The following MBD5 variants were observed in gnomAD, a reference collection of about 807,000 sequenced individuals.
MBD5 encodes the protein methyl-CpG binding domain protein 5.
Under a neutral mutation model 117.3 loss-of-function variants are expected in MBD5, and 13 were observed. That is an observed-to-expected ratio of 0.11 (90% CI 0.07 to 0.18). MBD5 has a LOEUF of 0.18. Ranked by LOEUF, MBD5 falls within the 10% of genes least tolerant of loss-of-function variation. The probability of loss-of-function intolerance (pLI) is 1.00; values close to 1 mark genes in which losing one functional copy is unlikely to be tolerated. For missense variants in MBD5, 1,879 were observed against 2,093.8 expected (o/e 0.90, Z 2.00); for synonymous variants, 727 against 766.4 (o/e 0.95, Z 0.85).
At chr2:148,076,835 C>CA (rs1312820228) in intron 1 of MBD5, among the ~76,000 whole-genome samples, 1 of 152,210 alleles carries the variant, frequency 6.6e-6, no homozygotes, top group African/African-American at 2.4e-5. Context: ...AAAACGCATC[C>CA]ATCCCTCTTC....
At chr2:148,138,828 C>T (rs537187358) in intron 1 of MBD5, among the ~76,000 whole-genome samples, 11 of 152,204 alleles carry the variant, frequency 7.2e-5, no homozygotes, top group East Asian at 1.9e-4. Context: ...TAGAAAGAAC[C>T]GCTAAAACAT....
At chr2:148,317,421 A>G (rs1702181177) in intron 3 of MBD5, among the ~76,000 whole-genome samples, 1 of 152,186 alleles carries the variant, frequency 6.6e-6, no homozygotes, top group Non-Finnish European at 1.5e-5. Flanking sequence ...TAAAGCCTCT[A>G]AAGTAATAGA....
At chr2:148,151,261 T>A (rs1291637261) in intron 1 of MBD5, among the ~76,000 whole-genome samples, 2 of 152,186 alleles carry the variant, frequency 1.3e-5, no homozygotes, top group African/African-American at 4.8e-5. Context: ...TTTGCATATA[T>A]TGAACCAGCC....
chr2:148,390,840 C>T (rs1704552499), intron 4 of MBD5, among the ~76,000 whole-genome samples: 2 of 152,070 alleles, frequency 1.3e-5, no homozygotes, highest in Admixed American at 1.3e-4. Flanking sequence ...GGAAATCAGG[C>T]GTGAGCCACT....
At chr2:148,352,510 C>T (rs1703271339) in intron 4 of MBD5, among the ~76,000 whole-genome samples, 2 of 152,004 alleles carry the variant, frequency 1.3e-5, no homozygotes, top group Admixed American at 1.3e-4. Flanking sequence ...TTTTATACCA[C>T]ACCCATTTCC....
Position 148,262,910 on chromosome 2 carries a change from A to G in MBD5, c.-680+29515A>G, listed in dbSNP as rs1022741863. ...GAGGTGGGAAGACCAAATAGAGGAA[A>G]GCATGGATGTTAGTCTGATCTAGGC... On this transcript the variant is annotated intron_variant, in intron 3 of 13. Coordinates refer to ENST00000642680, the MANE Select transcript of MBD5 (RefSeq NM_001378120.1). 2.0e-5 allele frequency among the ~76,000 whole-genome samples: 3 copies of G among 149,072 alleles called. No individual in the cohort carries two copies. In the East Asian group the frequency reaches 5.8e-4, roughly 29 times the overall value.
intron 2 of MBD5, among the ~76,000 whole-genome samples, chr2:148,188,874 C>G (rs1278812940): frequency 2.6e-5 from 4 of 151,588 alleles, no homozygotes; most frequent in Non-Finnish European, 5.9e-5. Flanking sequence ...GAGTGCCAGA[C>G]AGTGGGCGCA....
chr2:148,497,338 T>C (rs933038588), intron 11 of MBD5, among the ~76,000 whole-genome samples: 10 of 152,128 alleles, frequency 6.6e-5, no homozygotes, highest in Admixed American at 4.6e-4. Flanking sequence ...TGTAAAATCA[T>C]AATATTACTT....
chr2:148,314,982 G>A (rs529337811), intron 3 of MBD5, among the ~76,000 whole-genome samples: 1 of 152,182 alleles, frequency 6.6e-6, no homozygotes, highest in East Asian at 1.9e-4. Flanking sequence ...TATTTCATGA[G>A]ACATTAAACA....
At chr2:148,168,525 A>G (rs1454670363) in intron 1 of MBD5, among the ~76,000 whole-genome samples, 1 of 152,226 alleles carries the variant, frequency 6.6e-6, no homozygotes, top group Non-Finnish European at 1.5e-5. Context: ...AAAGTGGGAA[A>G]GTAAACCTGG....
At chr2:148,034,186 C>A (rs1429734803) in intron 1 of MBD5, among the ~76,000 whole-genome samples, 1 of 152,076 alleles carries the variant, frequency 6.6e-6, no homozygotes, top group African/African-American at 2.4e-5. Context: ...CACAGTAAGA[C>A]CCTGTCTCAA....
chr2:148,502,557 A>G, intron 12 of MBD5, 48 bp downstream of exon 12: 1 of 1,549,690 alleles, frequency 6.5e-7, no homozygotes, highest in Non-Finnish European at 8.9e-7. Flanking sequence ...GATATAATTT[A>G]CTGTTTTTCC....
At chr2:148,307,974 C>CT (rs1218156925) in intron 3 of MBD5, among the ~76,000 whole-genome samples, 3 of 151,932 alleles carry the variant, frequency 2.0e-5, no homozygotes, top group Non-Finnish European at 2.9e-5. Flanking sequence ...CATTAACTCA[C>CT]TTTTTTTTAC....
chr2:148,464,381 G>T (rs1167255114), intron 7 of MBD5, among the ~76,000 whole-genome samples: 5 of 152,056 alleles, frequency 3.3e-5, no homozygotes, highest in African/African-American at 1.2e-4. Context: ...ACGCATGCAT[G>T]GGGGCTTTCT....
intron 1 of MBD5, among the ~76,000 whole-genome samples, chr2:148,093,849 T>A (rs779741806): frequency 1.1e-4 from 16 of 152,174 alleles, no homozygotes; most frequent in Non-Finnish European, 2.1e-4. Context: ...AGATGACGAA[T>A]CTATCTGGAA....
intron 12 of MBD5, among the ~76,000 whole-genome samples, chr2:148,507,651 C>T (rs1224413944): frequency 6.6e-6 from 1 of 151,220 alleles, no homozygotes; most frequent in Non-Finnish European, 1.5e-5. Flanking sequence ...CCCAGCTACT[C>T]GAGGGGGCTG....
At chr2:148,036,337 A>G (rs1179842020) in intron 1 of MBD5, among the ~76,000 whole-genome samples, 2 of 152,158 alleles carry the variant, frequency 1.3e-5, no homozygotes, top group Non-Finnish European at 2.9e-5. Context: ...CAACAAAACT[A>G]TTAGTTGACA....
At chr2:148,212,604 A>AT (rs1452318008) in intron 2 of MBD5, among the ~76,000 whole-genome samples, 2 of 152,168 alleles carry the variant, frequency 1.3e-5, no homozygotes, top group Admixed American at 6.6e-5. Context: ...GTATGTATAT[A>AT]TGTGTATGTT....
rs146096552 is a variant in MBD5, at chr2:148,489,556, C to A, written c.3924C>A (p.Leu1308=). Reference sequence around the variant, plus strand: ...TTGGTCAACAGGTGAAGGATGGCCTCGTTGTGGGTGGCCCAGGTGATGCTT... The same window carrying A: ...TTGGTCAACAGGTGAAGGATGGCCTAGTTGTGGGTGGCCCAGGTGATGCTT... ...PSLGQQVKDG[L]VVGGPGDASV... The change falls in exon 11 of 14, where the codon CTC becomes CTA. Residue 1308 remains leucine, a synonymous_variant. Transcript: ENST00000642680. 2 of 1,614,170 alleles carry A rather than the reference C, an allele frequency of 1.2e-6. No individual in the cohort carries two copies. The highest frequency in any genetic ancestry group is 1.7e-6 in the Non-Finnish European group (2 of 1,180,032).
Sources: allele counts gnomAD v4.1 joint callset (sites outside exome capture counted in the v4.1 genomes callset), GRCh38; gene constraint gnomAD v4.1.1; transcripts MANE v1.5; gene names NCBI Gene and HGNC (gene_info 2026-07-23, HGNC 2026-07-21).